AKAP7: variants seen among roughly 807,000 people sequenced by gnomAD.
AKAP7 encodes the protein A kinase (PRKA) anchor protein 7.
A neutral mutation model predicts 39.5 loss-of-function variants in AKAP7; 39 were observed. That is an observed-to-expected ratio of 0.99 (90% CI 0.76 to 1.29). The LOEUF (loss-of-function observed/expected upper bound fraction) is 1.29. Among genes scored for constraint, AKAP7 ranks in the 50% most tolerant of loss-of-function variants. AKAP7 has a pLI of 0.00. For synonymous variants in AKAP7, 140 were observed against 139.1 expected, an observed-to-expected ratio of 1.01 and a Z score of -0.05; for missense variants, 414 against 407.7, an observed-to-expected ratio of 1.02 and a Z score of -0.13.
chr6:131,192,034 C>T (rs1408704864), intron 5 of AKAP7, among the ~76,000 whole-genome samples: 1 of 152,072 alleles, frequency 6.6e-6, no homozygotes, highest in Non-Finnish European at 1.5e-5. Flanking sequence ...CCTCAGCCTC[C>T]CAAAGTGCTG....
intron 7 of AKAP7, among the ~76,000 whole-genome samples, chr6:131,270,234 C>T (rs559479107): frequency 6.6e-6 from 1 of 152,326 alleles, no homozygotes; most frequent in Non-Finnish European, 1.5e-5. Flanking sequence ...ATAGTCAACC[C>T]TTCCTGTTAC....
At chr6:131,174,468 C>A (rs771697500) in intron 5 of AKAP7, among the ~76,000 whole-genome samples, 5 of 152,186 alleles carry the variant, frequency 3.3e-5, no homozygotes, top group South Asian at 2.1e-4. Flanking sequence ...TGGCTTGCGC[C>A]GATAATCCCA....
chr6:131,241,627 G>GTGTGTGTGTATATATATATATA lies in AKAP7; in HGVS notation c.850+21820_850+21821insGTGTGTGTATATATATATATAT. ...TGTGTGTGTGTGTGTGTGTGTGTGTGTATATATATATGACAGTTATAGGAT... is the reference window on the plus strand; with the variant it reads ...TGTGTGTGTGTGTGTGTGTGTGTGTGTGTGTGTGTATATATATATATATATATATATATGACAGTTATAGGAT... On this transcript the variant is annotated intron_variant, in intron 7 of 7. Coordinates refer to ENST00000431975, the MANE Select transcript of AKAP7 (RefSeq NM_016377.4). Among the ~76,000 whole-genome samples, 4 of 86,638 alleles carry GTGTGTGTGTATATATATATATA rather than the reference G, an allele frequency of 4.6e-5. 2 individuals are homozygous for GTGTGTGTGTATATATATATATA. In the Admixed American group the frequency reaches 4.8e-4, roughly 10 times the overall value. The allele number at this position is 86,638 out of a possible 152,430, so 56.8% of individuals were successfully genotyped here.
At chr6:131,145,948 A>G (rs1244424179) in intron 2 of AKAP7, among the ~76,000 whole-genome samples, 1 of 152,166 alleles carries the variant, frequency 6.6e-6, no homozygotes, top group African/African-American at 2.4e-5. Flanking sequence ...TAAAATAATC[A>G]CAGATAATAT....
intron 7 of AKAP7, among the ~76,000 whole-genome samples, chr6:131,222,255 G>C (rs968809855): frequency 6.6e-6 from 1 of 152,220 alleles, no homozygotes; most frequent in Non-Finnish European, 1.5e-5. Context: ...GCCAGGCGCG[G>C]TGGCTCACGC....
At chr6:131,127,015 C>A in the AKAP7 span, among the ~76,000 whole-genome samples, 1 of 150,620 alleles carries the variant, frequency 6.6e-6, no homozygotes, top group Non-Finnish European at 1.5e-5. Context: ...GGAAAATAGA[C>A]CTGGAAGTTC....
At position 131,273,932 on chromosome 6, in the gene AKAP7, TGCC is replaced by T. The variant is rs998526773; in HGVS notation, c.851-7597_851-7595del. ...TATTTTTGAGTAAAGAATTCTGTGTTGCCTTTTCTTTTTTTTTTTTTTTTTGAG... is the reference window on the plus strand; with the variant it reads ...TATTTTTGAGTAAAGAATTCTGTGTTTTTTCTTTTTTTTTTTTTTTTTGAG... On this transcript the variant is annotated intron_variant, in intron 7 of 7. Coordinates refer to ENST00000431975, the MANE Select transcript of AKAP7 (RefSeq NM_016377.4). Among the ~76,000 whole-genome samples, 6 of 151,488 alleles carry T rather than the reference TGCC, an allele frequency of 4.0e-5. No homozygotes were observed. In the East Asian group the frequency reaches 5.9e-4, roughly 15 times the overall value.
chr6:131,242,173 GT>G, intron 7 of AKAP7: 1 of 984,930 alleles, frequency 1.0e-6, no homozygotes, highest in Non-Finnish European at 1.2e-6. Context: ...TATTACTAGA[GT>G]AATGATTCAG....
At chr6:131,212,652 G>A (rs893479213) in intron 6 of AKAP7, among the ~76,000 whole-genome samples, 1 of 152,284 alleles carries the variant, frequency 6.6e-6, no homozygotes, top group African/African-American at 2.4e-5. Flanking sequence ...TTAGACAGGG[G>A]CATCTTTTCT....
intron 4 of AKAP7, among the ~76,000 whole-genome samples, chr6:131,168,618 A>G (rs1316601933): frequency 6.6e-6 from 1 of 152,240 alleles, no homozygotes; most frequent in Admixed American, 6.5e-5. Flanking sequence ...GAGTCTAAGT[A>G]TAGCAAATTA....
At chr6:131,198,714 G>A (rs1176189636) in intron 5 of AKAP7, among the ~76,000 whole-genome samples, 2 of 152,158 alleles carry the variant, frequency 1.3e-5, no homozygotes, top group East Asian at 1.9e-4. Context: ...AAGGATATAA[G>A]CTGGGACAAT....
In AKAP7 at chr6:131,270,606, G is replaced by A. The variant is rs914964306; in HGVS notation, c.851-10924G>A. Among the ~76,000 whole-genome samples, 14 of 152,296 alleles carry A rather than the reference G, an allele frequency of 9.2e-5. 1 individual carries two copies. The highest frequency in any genetic ancestry group is 7.2e-4 in the Admixed American group (11 of 15,286). On this transcript the variant is annotated intron_variant, in intron 7 of 7. Transcript: ENST00000431975. ...CTAGCTAGAAGTAGATTAATGGGTT[G>A]CGTTGTAAGAATATGGTCAACTTTT...
intron 7 of AKAP7, among the ~76,000 whole-genome samples, chr6:131,222,554 C>T (rs1292929393): frequency 6.6e-6 from 1 of 151,882 alleles, no homozygotes; most frequent in Non-Finnish European, 1.5e-5. Context: ...AAAGAAATAG[C>T]AAGAGAACTA....
intron 5 of AKAP7, among the ~76,000 whole-genome samples, chr6:131,179,873 AAATAAATAAATAAATAAATAAAT>A (rs980260839): frequency 1.2e-4 from 9 of 73,818 alleles, no homozygotes; most frequent in Non-Finnish European, 2.1e-4. Context: ...TGTCTCAAAT[AAATAAATAAATAAATAAATAAAT>A]AATAAATAAA....
At chr6:131,231,507 C>CT (rs1337911243) in intron 7 of AKAP7, among the ~76,000 whole-genome samples, 1 of 151,820 alleles carries the variant, frequency 6.6e-6, no homozygotes, top group African/African-American at 2.4e-5. Flanking sequence ...GAACTGTATA[C>CT]TTTTTTTTCC....
intron 5 of AKAP7, among the ~76,000 whole-genome samples, chr6:131,192,117 G>C (rs1033018733): frequency 6.6e-6 from 1 of 151,944 alleles, no homozygotes; most frequent in African/African-American, 2.4e-5. Flanking sequence ...ATTTATTTTT[G>C]CTTTGGTTCC....
intron 7 of AKAP7, among the ~76,000 whole-genome samples, chr6:131,240,498 C>G (rs1384074916): frequency 6.6e-5 from 10 of 152,208 alleles, no homozygotes. Context: ...ATGCCCTGCC[C>G]CCAGAGGTGA....
At chr6:131,277,248 CTTTTA>C (rs919290143) in intron 7 of AKAP7, among the ~76,000 whole-genome samples, 78 of 152,198 alleles carry the variant, frequency 5.1e-4, no homozygotes, top group African/African-American at 1.8e-3. Context: ...CATGACTTTT[CTTTTA>C]TATTTTTACT....
rs142916693 is a variant in AKAP7, at chr6:131,256,649, T to C, written c.851-24881T>C. Among the ~76,000 whole-genome samples, 909 of 152,162 alleles carry C rather than the reference T, an allele frequency of 6.0e-3. 10 individuals are homozygous for C. The highest frequency in any genetic ancestry group is 0.021 in the African/African-American group (860 of 41,516). On this transcript the variant is annotated intron_variant, in intron 7 of 7. Transcript: ENST00000431975. ...TGAAAGAAGCAGCAGGACTCTGATA[T>C]ACCGAAAGCTTTTGGCTAATAAAAG...
Sources: gnomAD v4.1 joint callset for allele counts (sites outside exome capture counted in the v4.1 genomes callset) on GRCh38, gnomAD v4.1.1 for gene constraint, MANE v1.5 for transcripts, NCBI Gene and HGNC (gene_info 2026-07-23, HGNC 2026-07-21) for gene names.